PDE1A: variants seen among roughly 807,000 people sequenced by gnomAD.
The protein encoded by PDE1A is dual specificity calcium/calmodulin-dependent 3',5'-cyclic nucleotide phosphodiesterase 1A.
PDE1A carries 35 observed loss-of-function variants against 61.7 expected under a neutral mutation model. The ratio of observed to expected loss-of-function variants is 0.57; its 90% CI spans 0.43 to 0.75. The LOEUF (loss-of-function observed/expected upper bound fraction) is 0.75, where lower values mean the gene tolerates loss of function less well. PDE1A is among the 30% of genes least tolerant of loss of function. The pLI is 0.00. For missense variants in PDE1A, 597 were observed against 630.6 expected, an observed-to-expected ratio of 0.95 and a Z score of 0.57; for synonymous variants, 232 against 213.2, an observed-to-expected ratio of 1.09 and a Z score of -0.77.
intron 10 of PDE1A, among the ~76,000 whole-genome samples, chr2:182,195,441 C>T (rs778281442): frequency 2.0e-5 from 3 of 152,068 alleles, no homozygotes; most frequent in Non-Finnish European, 2.9e-5. Context: ...CTAGGGCCTA[C>T]CCTTGAGTTT....
intron 7 of PDE1A, among the ~76,000 whole-genome samples, chr2:182,212,553 G>A (rs1362444652): frequency 2.6e-5 from 4 of 152,194 alleles, no homozygotes; most frequent in African/African-American, 9.6e-5. Context: ...AGGTCAGTGG[G>A]TGCGCGCACC....
exon 14 of PDE1A, chr2:182,168,249 A>G (rs1377835625): frequency 5.0e-6 from 8 of 1,595,428 alleles, no homozygotes; most frequent in South Asian, 1.2e-5. Context: ...AAAGGTGTTT[A>G]CTGATGAATA....
chr2:182,576,956 A>G, the PDE1A span, among the ~76,000 whole-genome samples: 1 of 152,182 alleles, frequency 6.6e-6, no homozygotes, highest in South Asian at 2.1e-4. Context: ...CTTGCATTAT[A>G]AAGGTTATTT....
At chr2:182,549,384 T>C in the PDE1A span, among the ~76,000 whole-genome samples, 2 of 151,982 alleles carry the variant, frequency 1.3e-5, no homozygotes, top group Non-Finnish European at 2.9e-5. Context: ...TAAAAGAACA[T>C]AGGAAATTAA....
intron 1 of PDE1A, among the ~76,000 whole-genome samples, chr2:182,311,571 C>A (rs537795560): frequency 6.6e-6 from 1 of 152,274 alleles, no homozygotes; most frequent in East Asian, 1.9e-4. Flanking sequence ...TGGAAGCATA[C>A]CATCTGTAGC....
rs563873100 is a variant in PDE1A at position 182,458,322 on chromosome 2, T to A, written c.101+63954A>T. Among the ~76,000 whole-genome samples the A allele has an allele frequency of 3.3e-5, 5 of 152,192 alleles. No individual in the cohort carries two copies. In the East Asian group the frequency reaches 9.7e-4, roughly 30 times the overall value. ...AAAGCAATATTTTCATTCCTTATTA[T>A]CTGAATTGTATTCAGCACATTGTCT... is the stretch of plus-strand genomic sequence containing the variant. On this transcript the variant is annotated intron_variant, in intron 2 of 14. Transcript: ENST00000410103.
At chr2:182,615,469 GA>G in the PDE1A span, among the ~76,000 whole-genome samples, 4 of 152,084 alleles carry the variant, frequency 2.6e-5, no homozygotes, top group Non-Finnish European at 5.9e-5. Context: ...GAAAAACCCA[GA>G]AACAATATAA....
At chr2:182,416,527 T>C (rs1485489645) in intron 1 of PDE1A, among the ~76,000 whole-genome samples, 2 of 152,222 alleles carry the variant, frequency 1.3e-5, no homozygotes, top group Non-Finnish European at 2.9e-5. Context: ...TAACTATTCC[T>C]TCAACTAGGC....
intron 7 of PDE1A, among the ~76,000 whole-genome samples, chr2:182,208,124 A>G (rs1281095552): frequency 1.3e-5 from 2 of 152,182 alleles, no homozygotes; most frequent in African/African-American, 4.8e-5. Flanking sequence ...TAGAGTCCCC[A>G]TAGTCCTCAC....
At chr2:182,627,037 TA>T in the PDE1A span, among the ~76,000 whole-genome samples, 12 of 402 alleles carry the variant, frequency 0.03, 2 homozygotes, top group Admixed American at 0.062. Context: ...TATAAATATA[TA>T]TATTATTTAT....
intron 1 of PDE1A, among the ~76,000 whole-genome samples, chr2:182,415,728 C>T (rs1702875811): frequency 6.6e-6 from 1 of 152,112 alleles, no homozygotes; most frequent in Non-Finnish European, 1.5e-5. Context: ...GTGCAGTCAT[C>T]ACAGTAAATC....
At chr2:182,360,449 C>T (rs957949130) in intron 1 of PDE1A, among the ~76,000 whole-genome samples, 2 of 151,538 alleles carry the variant, frequency 1.3e-5, no homozygotes, top group Non-Finnish European at 2.9e-5. Context: ...CACTGGAACA[C>T]TCTGAATTGC....
intron 2 of PDE1A, among the ~76,000 whole-genome samples, chr2:182,498,045 CAAAAAAAAAAA>C (rs57707793): frequency 3.4e-4 from 22 of 64,320 alleles, no homozygotes; most frequent in Non-Finnish European, 4.4e-4. Flanking sequence ...GATTGCGTCT[CAAAAAAAAAAA>C]AAAAAAAAAA....
chr2:182,199,632 T>C (rs560545821), intron 10 of PDE1A, among the ~76,000 whole-genome samples: 1 of 152,252 alleles, frequency 6.6e-6, no homozygotes, highest in African/African-American at 2.4e-5. Flanking sequence ...CTCTGGTTGA[T>C]TGATTGAGTA....
chr2:182,332,128 C>T (rs1323325379), intron 1 of PDE1A, among the ~76,000 whole-genome samples: 4 of 151,984 alleles, frequency 2.6e-5, no homozygotes, highest in Non-Finnish European at 5.9e-5. Flanking sequence ...TCCTTTCTTC[C>T]GCTTCATCGA....
chr2:182,579,584 G>A, the PDE1A span, among the ~76,000 whole-genome samples: 1 of 152,284 alleles, frequency 6.6e-6, no homozygotes, highest in African/African-American at 2.4e-5. Flanking sequence ...GCAGCTTGAA[G>A]ATCAGCCAAG....
intron 1 of PDE1A, among the ~76,000 whole-genome samples, chr2:182,405,752 TGA>T (rs1702262668): frequency 6.6e-6 from 1 of 152,138 alleles, no homozygotes; most frequent in African/African-American, 2.4e-5. Flanking sequence ...TCAAAATTTC[TGA>T]GAGTAAAGTT....
intron 1 of PDE1A, among the ~76,000 whole-genome samples, chr2:182,277,986 T>C (rs956412407): frequency 6.6e-6 from 1 of 152,090 alleles, no homozygotes; most frequent in Non-Finnish European, 1.5e-5. Context: ...GTGTATTCAA[T>C]GTCAATCAAT....
At chr2:182,403,258 G>A (rs1702107388) in intron 1 of PDE1A, among the ~76,000 whole-genome samples, 1 of 152,100 alleles carries the variant, frequency 6.6e-6, no homozygotes, top group Non-Finnish European at 1.5e-5. Flanking sequence ...CAATCACAAA[G>A]ACTTGGAACC....
Sources: gnomAD v4.1 joint callset for allele counts (sites outside exome capture counted in the v4.1 genomes callset) on GRCh38, gnomAD v4.1.1 for gene constraint, MANE v1.5 for transcripts, NCBI Gene and HGNC (gene_info 2026-07-23, HGNC 2026-07-21) for gene names.